The following ZNF35 variants were observed in gnomAD, a reference collection of about 807,000 sequenced individuals.
ZNF35 encodes zinc finger protein 35 (clone HF.10).
In ZNF35, 31 loss-of-function variants were observed where a neutral mutation model predicts 45.9. That is an observed-to-expected ratio of 0.68 (90% CI 0.51 to 0.91). The LOEUF is 0.91. Ranked by LOEUF, ZNF35 falls within the 40% of genes least tolerant of loss-of-function variation. The pLI is 0.00. For missense variants in ZNF35, 515 were observed against 625.4 expected, an observed-to-expected ratio of 0.82 and a Z score of 1.88; for synonymous variants, 205 against 220.2, an observed-to-expected ratio of 0.93 and a Z score of 0.61.
Position 44,654,057 on chromosome 3 carries a change from G to C in ZNF35, c.337+1356G>C, listed in dbSNP as rs78527613. 8.8e-3 allele frequency among the ~76,000 whole-genome samples: 1,342 copies of C among 152,174 alleles called. 22 individuals are homozygous for C. Among genetic ancestry groups the C allele is most frequent in the African/African-American group, 0.031 (1,283 of 41,510 alleles). On this transcript the variant is annotated intron_variant, in intron 3 of 3. Coordinates refer to ENST00000396056, the MANE Select transcript of ZNF35 (RefSeq NM_003420.4). ...GCTTCTGTTCCCCACTTTCTGCTTTGTGTTCCATTCTCTCTGGTGCATTCG... is the reference window on the plus strand; with the variant it reads ...GCTTCTGTTCCCCACTTTCTGCTTTCTGTTCCATTCTCTCTGGTGCATTCG...
In ZNF35 at chr3:44,658,687, G is replaced by C. The variant is rs758819286; in HGVS notation, c.338-14G>C. 5 of 1,541,580 alleles carry C rather than the reference G, an allele frequency of 3.2e-6. No individual in the cohort carries two copies. The highest frequency in any genetic ancestry group is 1.4e-5 in the African/African-American group (1 of 71,994). On this transcript the variant is annotated splice_polypyrimidine_tract_variant and intron_variant, in intron 3 of 3. Transcript: ENST00000396056. ...GAGAAAGCTAACATTTGTATTTTCT[G>C]TTTCTTGGTTCAGGTGCTGAAACCA...
Position 44,658,803 on chromosome 3 carries a change from C to G in ZNF35, c.440C>G (p.Pro147Arg), listed in dbSNP as rs1456117862. 1 of 1,612,668 alleles carries G rather than the reference C, an allele frequency of 6.2e-7. No individual in the cohort carries two copies. Among genetic ancestry groups the G allele is most frequent in the Non-Finnish European group, 8.5e-7 (1 of 1,179,766 alleles). The change falls in exon 4 of 4, where the codon CCT becomes CGT. Residue 147 changes from proline (P) to arginine (R), a missense_variant. Coordinates refer to ENST00000396056, the MANE Select transcript of ZNF35 (RefSeq NM_003420.4). ...TCAGAAAGAATCCAGAAAGCTGATC[C>G]TCAAGGACCTGAGTTAGGAGAAGCT... ...IISERIQKAD[P>R]QGPELGEACE...
chr3:44,654,164 T>C lies in ZNF35; in HGVS notation c.337+1463T>C, dbSNP rs377068725. Among the ~76,000 whole-genome samples, 48 of 152,340 alleles carry C rather than the reference T, an allele frequency of 3.2e-4. No individual in the cohort carries two copies. The East Asian group carries it at 4.6e-3, about 15-fold the overall frequency. ...CCCAACAGCTGCACCTCATCAGGAA[T>C]GGGCTCCCTTTTCCTACTTTGCCTC... On this transcript the variant is annotated intron_variant, in intron 3 of 3. Transcript: ENST00000396056.
At chr3:44,647,900 T>C (rs1258452588), upstream of ZNF35, 1 of 152,178 alleles carries the variant, frequency 6.6e-6, no homozygotes, top group Non-Finnish European at 1.5e-5. Flanking sequence ...GCAGTGGTGG[T>C]TACACAAATC....
upstream of ZNF35, chr3:44,647,161 A>T (rs1702999421): frequency 6.6e-6 from 1 of 152,260 alleles, no homozygotes; most frequent in Non-Finnish European, 1.5e-5. Context: ...TTAGAAAATA[A>T]GCAAAAGACA....
upstream of ZNF35, chr3:44,647,743 G>A (rs1703042568): frequency 6.6e-6 from 1 of 152,130 alleles, no homozygotes; most frequent in Non-Finnish European, 1.5e-5. Flanking sequence ...TTCTCAAAAT[G>A]ATAAAACTAT....
upstream of ZNF35, chr3:44,648,324 T>G (rs1703079169): frequency 6.6e-6 from 1 of 152,190 alleles, no homozygotes; most frequent in Non-Finnish European, 1.5e-5. Flanking sequence ...TTCAAAAAAA[T>G]GATTTTAAAT....
At chr3:44,647,487 A>G (rs1054586477), upstream of ZNF35, 6 of 152,214 alleles carry the variant, frequency 3.9e-5, no homozygotes, top group Admixed American at 3.9e-4. Context: ...CGTTCACACA[A>G]AAACCTGTAT....
upstream of ZNF35, chr3:44,647,246 C>T (rs1444880156): frequency 4.0e-5 from 6 of 150,752 alleles, no homozygotes; most frequent in East Asian, 1.2e-3. Context: ...GAGGGAAATG[C>T]AGAGTAAAAT....
chr3:44,651,220 T>A lies in ZNF35; in HGVS notation c.153T>A (p.Gly51=). The change falls in exon 2 of 4, where the codon GGT becomes GGA. Residue 51 remains glycine (G), a synonymous_variant. Transcript: ENST00000396056. ...ENIKVWAPVQ[G]LQTGLDGSEE... ...TCAAAGTCTGGGCCCCAGTGCAGGGTCTTCAGACAGGCCTTGATGGATCAG... is the reference window on the plus strand; with the variant it reads ...TCAAAGTCTGGGCCCCAGTGCAGGGACTTCAGACAGGCCTTGATGGATCAG... 3 of 1,612,462 alleles carry A rather than the reference T, an allele frequency of 1.9e-6. No homozygotes were observed. Among genetic ancestry groups the A allele is most frequent in the Non-Finnish European group, 2.5e-6 (3 of 1,179,502 alleles).
rs533266238 is a variant in ZNF35, at chr3:44,649,417, C to A, written c.-128+583C>A. On this transcript the variant is annotated intron_variant, in intron 1 of 3. Transcript: ENST00000396056. ...GTTGACATGGGGAAAAGAGTATGAT[C>A]ACTTCAATAGCAGCAACAGGGGATT... 1.5e-3 allele frequency among the ~76,000 whole-genome samples: 232 copies of A among 152,298 alleles called. 1 individual carries two copies. Among genetic ancestry groups the A allele is most frequent in the Admixed American group, 3.4e-3 (52 of 15,292 alleles).
intron 2 of ZNF35, among the ~76,000 whole-genome samples, chr3:44,652,354 A>G (rs1237129166): frequency 6.6e-6 from 1 of 152,172 alleles, no homozygotes; most frequent in African/African-American, 2.4e-5. Flanking sequence ...AGGTGCAATC[A>G]AAGTAATAAG....
chr3:44,651,812 A>G (rs1703207706), intron 2 of ZNF35, among the ~76,000 whole-genome samples: 1 of 151,560 alleles, frequency 6.6e-6, no homozygotes, highest in African/African-American at 2.4e-5. Context: ...TAGCCTGGGC[A>G]ATAGAGTGAG....
At chr3:44,657,507 A>G (rs147033631) in intron 3 of ZNF35, among the ~76,000 whole-genome samples, 103 of 152,332 alleles carry the variant, frequency 6.8e-4, no homozygotes, top group African/African-American at 2.3e-3. Flanking sequence ...GAGTGTGCAG[A>G]GGAGACAAAC....
chr3:44,658,677 T>G (rs201669181), intron 3 of ZNF35, 24 bp from the exon 4 acceptor site: 3 of 1,536,542 alleles, frequency 2.0e-6, no homozygotes, highest in Non-Finnish European at 2.6e-6. Context: ...AGCTAACATT[T>G]GTATTTTCTG....
chr3:44,659,469 A>G lies in ZNF35; in HGVS notation c.1106A>G (p.Lys369Arg), dbSNP rs1175853368. 3 of 1,612,072 alleles carry G rather than the reference A, an allele frequency of 1.9e-6. No individual in the cohort carries two copies. Among genetic ancestry groups the G allele is most frequent in the African/African-American group, 2.7e-5 (2 of 74,340 alleles). Residue 369 changes from lysine to arginine, a missense_variant, in exon 4 of 4, where the codon AAA becomes AGA. By Grantham distance (26) the Lys-to-Arg change is conservative. Coordinates refer to ENST00000396056, the MANE Select transcript of ZNF35 (RefSeq NM_003420.4). This position sits in a 1 kb window ranked among gnomAD's most constrained non-coding sequence, Gnocchi z 4.3. The stretch of plus-strand genomic sequence containing the variant: ...CCCTTTGCCTGTAACGACTGTGGCA[A>G]AGCCTTTACCCAGAGTGCAAATCTT... ...EKPFACNDCGKAFTQSANLIV... is the reference protein window; with the variant it reads ...EKPFACNDCGRAFTQSANLIV...
intron 1 of ZNF35, among the ~76,000 whole-genome samples, chr3:44,649,128 A>G (rs952581674): frequency 1.3e-5 from 2 of 152,216 alleles, no homozygotes; most frequent in Non-Finnish European, 2.9e-5. Flanking sequence ...TTGGAAATAG[A>G]GAAAGGACGT....
At chr3:44,653,583 G>A (rs1209895225) in intron 3 of ZNF35, among the ~76,000 whole-genome samples, 1 of 152,196 alleles carries the variant, frequency 6.6e-6, no homozygotes, top group Non-Finnish European at 1.5e-5. Context: ...CCCTGGAGAT[G>A]TTCTGTTTTC....
At position 44,658,807 on chromosome 3, in the gene ZNF35, A is replaced by G; in HGVS notation, c.444A>G (p.Gln148=). ...AAAGAATCCAGAAAGCTGATCCTCAAGGACCTGAGTTAGGAGAAGCTTGTG... is the reference window on the plus strand; with the variant it reads ...AAAGAATCCAGAAAGCTGATCCTCAGGGACCTGAGTTAGGAGAAGCTTGTG... The part of the protein sequence containing the change: ...ISERIQKADP[Q]GPELGEACEK... The change falls in exon 4 of 4, where the codon CAA becomes CAG. Residue 148 remains glutamine, a synonymous_variant. Coordinates refer to ENST00000396056, the MANE Select transcript of ZNF35 (RefSeq NM_003420.4). The G allele has an allele frequency of 6.2e-7, 1 of 1,613,092 alleles. No homozygotes were observed. The highest frequency in any genetic ancestry group is 8.5e-7 in the Non-Finnish European group (1 of 1,179,818).
Sources: gnomAD v4.1 joint callset for allele counts (sites outside exome capture counted in the v4.1 genomes callset) on GRCh38, gnomAD v4.1.1 for gene constraint, Gnocchi (gnomAD v3.1) non-coding constraint, MANE v1.5 for transcripts, NCBI Gene and HGNC (gene_info 2026-07-23, HGNC 2026-07-21) for gene names.